The following PCDH17 variants were observed in gnomAD, a reference collection of about 807,000 sequenced individuals.
PCDH17 encodes protocadherin-17.
A neutral mutation model predicts 67.7 loss-of-function variants in PCDH17; 21 were observed. The observed-to-expected ratio is 0.31, with a 90% CI of 0.22 to 0.45. The LOEUF is 0.45. Among genes scored for constraint, PCDH17 ranks in the 20% least tolerant of loss-of-function variants. The pLI, the probability that PCDH17 is intolerant of heterozygous loss-of-function variation, is 1.00. For missense variants in PCDH17, 1,471 were observed against 1,564.8 expected, an observed-to-expected ratio of 0.94 and a Z score of 1.01; for synonymous variants, 701 against 656.7, an observed-to-expected ratio of 1.07 and a Z score of -1.03.
At chr13:57,638,708 C>A (rs1166766761) in intron 1 of PCDH17, among the ~76,000 whole-genome samples, 1 of 151,834 alleles carries the variant, frequency 6.6e-6, no homozygotes, top group East Asian at 1.9e-4. Flanking sequence ...TACCTAGAGC[C>A]AATCCAAATA....
At chr13:57,656,779 G>T (rs1311296170) in intron 1 of PCDH17, among the ~76,000 whole-genome samples, 1 of 152,138 alleles carries the variant, frequency 6.6e-6, no homozygotes, top group African/African-American at 2.4e-5. Context: ...ACTAAGTTTT[G>T]AATAGGGCTG....
At chr13:57,653,972 T>A (rs1170330376) in intron 1 of PCDH17, among the ~76,000 whole-genome samples, 1 of 152,132 alleles carries the variant, frequency 6.6e-6, no homozygotes, top group Non-Finnish European at 1.5e-5. Flanking sequence ...ATCAGGTGCT[T>A]TCCACATGTA....
chr13:57,694,343 C>T (rs1955586919), intron 3 of PCDH17, among the ~76,000 whole-genome samples: 1 of 151,168 alleles, frequency 6.6e-6, no homozygotes, highest in Non-Finnish European at 1.5e-5. Context: ...ACCTTGCATA[C>T]TTACCATAAA....
Position 57,724,812 on chromosome 13 carries a change from A to T in PCDH17, c.2998A>T (p.Thr1000Ser), listed in dbSNP as rs113601945. ...VNPTGKKTFC[T>S]FGKDKREHTI... The stretch of plus-strand genomic sequence containing the variant: ...TCCCACTGGGAAAAAGACTTTTTGT[A>T]CATTTGGAAAAGACAAGCGAGAGCA... The change falls in exon 4 of 4, where the codon ACA becomes TCA. Residue 1000 changes from threonine to serine, a missense_variant. Physicochemically the swap from Thr to Ser is moderately conservative, Grantham distance 58. This residue lies in a region of PCDH17 where 297 missense variants were observed against 298.6 expected (regional missense o/e 0.99). Transcript: ENST00000377918. 1.2e-6 allele frequency: 2 copies of T among 1,614,170 alleles called. No individual in the cohort carries two copies. The highest frequency in any genetic ancestry group is 1.7e-6 in the Non-Finnish European group (2 of 1,180,012).
intron 3 of PCDH17, among the ~76,000 whole-genome samples, chr13:57,705,241 T>G (rs1294177025): frequency 6.6e-6 from 1 of 152,024 alleles, no homozygotes; most frequent in Non-Finnish European, 1.5e-5. Flanking sequence ...TAATATTTCT[T>G]AAGGAAAATA....
Position 57,634,961 on chromosome 13 carries a change from C to T in PCDH17, c.2415C>T (p.Pro805=). The change falls in exon 1 of 4, where the codon CCC becomes CCT. Residue 805 remains proline (P), a synonymous_variant. Transcript: ENST00000377918. This position sits in a 1 kb window ranked among gnomAD's most constrained non-coding sequence, Gnocchi z 7.8. ...ACTTCGACTACCAGACCCGCCTGCCCCTCAGCTCGCCCCGGTCGGAGGTGA... is the reference window on the plus strand; with the variant it reads ...ACTTCGACTACCAGACCCGCCTGCCTCTCAGCTCGCCCCGGTCGGAGGTGA... ...PMYFDYQTRL[P]LSSPRSEVMY... is the part of the protein sequence containing the mutation. 6.2e-7 allele frequency: 1 copy of T among 1,613,968 alleles called. No individual in the cohort carries two copies. The highest frequency in any genetic ancestry group is 8.5e-7 in the Non-Finnish European group (1 of 1,180,004).
intron 3 of PCDH17, among the ~76,000 whole-genome samples, chr13:57,682,716 A>G (rs896073737): frequency 6.6e-6 from 1 of 151,804 alleles, no homozygotes. Context: ...AGTATTCCCA[A>G]TGACTAGTTT....
intron 3 of PCDH17, among the ~76,000 whole-genome samples, chr13:57,722,244 A>C (rs945811036): frequency 1.4e-4 from 21 of 152,280 alleles, no homozygotes; most frequent in African/African-American, 5.1e-4. Flanking sequence ...CTGTGTCTTA[A>C]ATTCATACTG....
chr13:57,707,928 T>C (rs1955736313), intron 3 of PCDH17, among the ~76,000 whole-genome samples: 1 of 152,028 alleles, frequency 6.6e-6, no homozygotes, highest in Non-Finnish European at 1.5e-5. Context: ...TCATCTTAAG[T>C]AATTACATCT....
At chr13:57,655,316 T>C (rs922715549) in intron 1 of PCDH17, among the ~76,000 whole-genome samples, 7 of 151,964 alleles carry the variant, frequency 4.6e-5, no homozygotes, top group African/African-American at 1.4e-4. Flanking sequence ...TATCTTCTAA[T>C]TGATGATTTA....
chr13:57,709,491 T>G (rs1165695941), intron 3 of PCDH17, among the ~76,000 whole-genome samples: 1 of 151,876 alleles, frequency 6.6e-6, no homozygotes, highest in Admixed American at 6.6e-5. Context: ...TTTCTTCCAA[T>G]AAGACTAAGT....
intron 3 of PCDH17, among the ~76,000 whole-genome samples, chr13:57,722,125 A>G (rs1566248983): frequency 1.3e-5 from 2 of 152,190 alleles, no homozygotes; most frequent in Non-Finnish European, 2.9e-5. Flanking sequence ...GGAGTTAAGT[A>G]AAATGCTGCA....
At chr13:57,667,030 G>A (rs368210954) in intron 3 of PCDH17, among the ~76,000 whole-genome samples, 197 bp downstream of exon 3, 1 of 152,046 alleles carries the variant, frequency 6.6e-6, no homozygotes, top group African/African-American at 2.4e-5. Context: ...AAGGCCCTGG[G>A]TATCATTCAT....
intron 1 of PCDH17, among the ~76,000 whole-genome samples, chr13:57,651,503 A>G (rs955096789): frequency 1.3e-5 from 2 of 151,518 alleles, no homozygotes; most frequent in Non-Finnish European, 2.9e-5. Context: ...AGGCCTGGCT[A>G]ACTTTTATAT....
intron 1 of PCDH17, among the ~76,000 whole-genome samples, chr13:57,648,779 C>T (rs1954999254): frequency 6.6e-6 from 1 of 151,792 alleles, no homozygotes; most frequent in Admixed American, 6.6e-5. Context: ...AATCACGTAC[C>T]ATGATATAAG....
At chr13:57,668,788 T>C (rs924930215) in intron 3 of PCDH17, among the ~76,000 whole-genome samples, 1 of 152,098 alleles carries the variant, frequency 6.6e-6, no homozygotes, top group Non-Finnish European at 1.5e-5. Flanking sequence ...TACACTTAAA[T>C]AATTTATGAA....
chr13:57,650,394 T>C (rs1368592827), intron 1 of PCDH17, among the ~76,000 whole-genome samples: 1 of 151,986 alleles, frequency 6.6e-6, no homozygotes, highest in Non-Finnish European at 1.5e-5. Flanking sequence ...CTGGAATCTG[T>C]AGTGACCCTC....
intron 1 of PCDH17, among the ~76,000 whole-genome samples, 176 bp downstream of exon 1, chr13:57,635,287 T>C (rs1442133569): frequency 6.6e-6 from 1 of 152,074 alleles, no homozygotes; most frequent in Non-Finnish European, 1.5e-5. Flanking sequence ...ATATAACCCC[T>C]CCCATGTAAA....
At chr13:57,654,849 A>G (rs897355750) in intron 1 of PCDH17, among the ~76,000 whole-genome samples, 1 of 151,992 alleles carries the variant, frequency 6.6e-6, no homozygotes, top group African/African-American at 2.4e-5. Flanking sequence ...TCTAATACTC[A>G]TTAATTTGAT....
Sources: gnomAD v4.1 joint callset for allele counts (sites outside exome capture counted in the v4.1 genomes callset) on GRCh38, gnomAD v4.1.1 for gene constraint, gnomAD v4.1.1 regional missense constraint, Gnocchi (gnomAD v3.1) non-coding constraint, MANE v1.5 for transcripts, NCBI Gene and HGNC (gene_info 2026-07-23, HGNC 2026-07-21) for gene names.